MAPK12: variants seen among roughly 807,000 people sequenced by gnomAD.
MAPK12 encodes MAP kinase 12.
In MAPK12, 49 loss-of-function variants were observed where a neutral mutation model predicts 49.1. That is an observed-to-expected ratio of 1.00 (90% CI 0.79 to 1.27). MAPK12 has a LOEUF of 1.27. MAPK12 is among the 50% of genes most tolerant of loss of function. The pLI is 0.00. For missense variants in MAPK12, 554 were observed against 502.4 expected (o/e 1.10, Z -0.98); for synonymous variants, 251 against 209.7 (o/e 1.20, Z -1.70).
At chr22:50,260,036 C>T (rs962443957) in intron 2 of MAPK12, among the ~76,000 whole-genome samples, 6 of 75,526 alleles carry the variant, frequency 7.9e-5, no homozygotes, top group Admixed American at 3.2e-4. Flanking sequence ...TGGGGGGGTG[C>T]GGTGCCGGCG....
chr22:50,259,869 A>C (rs1443636570), intron 2 of MAPK12, among the ~76,000 whole-genome samples: 2 of 147,370 alleles, frequency 1.4e-5, no homozygotes, highest in Non-Finnish European at 3.0e-5. Flanking sequence ...GGGCAACAAG[A>C]GCGAAACTCG....
chr22:50,261,202 C>A lies in MAPK12; in HGVS notation c.220G>T (p.Glu74Ter), dbSNP rs1346872229. ...CGCATGTGCTTGAGCAGGCGCAGCT[C>A]GCGGTAGGCGCGCTTGGCGAACAGC... ...SELFAKRAYR[E>*]LRLLKHMRHE... The change falls in exon 2 of 12, where the codon GAG becomes TAG. Residue 74 changes from glutamate to a stop codon, truncating the protein, a stop_gained. Transcript: ENST00000215659. LOFTEE classifies it high-confidence loss of function. The A allele has an allele frequency of 1.3e-6, 2 of 1,590,684 alleles. No homozygotes were observed. The highest frequency in any genetic ancestry group is 1.7e-6 in the Non-Finnish European group (2 of 1,169,832).
rs769164799 is a variant in MAPK12, at chr22:50,255,630, C to T, written c.756G>A (p.Arg252=). ...CACCCCTTACCTCATCGCTCTGCAG[C>T]CGCTGCACAAACTCAGCCGGAGGCG... ...TGTPPAEFVQ[R]LQSDEAKNYM... The change falls in exon 9 of 12, where the codon CGG becomes CGA. Residue 252 remains arginine, a synonymous_variant. Transcript: ENST00000215659. 9 of 1,611,408 alleles carry T rather than the reference C, an allele frequency of 5.6e-6. No individual in the cohort carries two copies. Among genetic ancestry groups the T allele is most frequent in the Non-Finnish European group, 5.9e-6 (7 of 1,179,734 alleles).
intron 4 of MAPK12, 24 bp downstream of exon 4, chr22:50,257,058 T>A: frequency 1.2e-6 from 2 of 1,608,566 alleles, no homozygotes; most frequent in Non-Finnish European, 1.7e-6. Flanking sequence ...CCTGCCTCCC[T>A]GCAGCCTCCC....
At chr22:50,257,894 C>T (rs2065166892) in intron 3 of MAPK12, 1 of 771,128 alleles carries the variant, frequency 1.3e-6, no homozygotes, top group African/African-American at 1.7e-5. Flanking sequence ...AGGTCAGCAG[C>T]TCCAGTTACC....
rs1293193597 is a variant in MAPK12, at chr22:50,261,477, A to G, written c.33T>C (p.Phe11=). The G allele has an allele frequency of 7.9e-7, 1 of 1,270,530 alleles. No individual in the cohort carries two copies. Among genetic ancestry groups the G allele is most frequent in the Non-Finnish European group, 1.0e-6 (1 of 984,464 alleles). The allele number at this position is 1,270,530 out of a possible 1,614,324, so 78.7% of individuals were successfully genotyped here. ...CCGTCTTGGTCACCTCCTGGCGGTA[A>G]AAGCCACTGCGGGCGGGCGGCGGAG... MSSPPPARSG[F]YRQEVTKTAW... is the part of the protein sequence containing the mutation. The change falls in exon 1 of 12, where the codon TTT becomes TTC. Residue 11 remains phenylalanine, a synonymous_variant. Transcript: ENST00000215659.
At chr22:50,255,147 G>A in intron 11 of MAPK12, 50 bp downstream of exon 11, 1 of 1,607,112 alleles carries the variant, frequency 6.2e-7, no homozygotes, top group Non-Finnish European at 8.5e-7. Context: ...GCCCTGCCCA[G>A]AGCCCCCCAC....
chr22:50,256,492 A>G (rs377000998), intron 6 of MAPK12, 107 bp downstream of exon 6: 2 of 1,429,844 alleles, frequency 1.4e-6, no homozygotes, highest in South Asian at 1.4e-5. Context: ...GCCACTGCCC[A>G]GAGCCTGGGA....
intron 2 of MAPK12, 28 bp from the exon 3 acceptor site, chr22:50,258,329 G>A: frequency 6.2e-7 from 1 of 1,605,044 alleles, no homozygotes; most frequent in African/African-American, 1.3e-5. Context: ...GGTTGAGAAT[G>A]CAGCAGAGGA....
Position 50,253,498 on chromosome 22 carries a change from G to GGGGGGGGGGGGA in MAPK12, c.1025-19_1025-18insTCCCCCCCCCCC. 1 of 466,304 alleles carries GGGGGGGGGGGGA rather than the reference G, an allele frequency of 2.1e-6. No homozygotes were observed. The highest frequency in any genetic ancestry group is 4.3e-6 in the Non-Finnish European group (1 of 231,034). 28.9% of individuals were successfully genotyped at this position (466,304 alleles called of 1,614,324 possible). A position where few individuals can be genotyped will look rare whatever the true frequency, so the allele number is the denominator to read the frequency against. ...AGTAACACCTGGCGGGGGTGGGGGGGCGGGCACAACAGAGAGGGGGGTCAG... is the reference window on the plus strand; with the variant it reads ...AGTAACACCTGGCGGGGGTGGGGGGGGGGGGGGGGGGACGGGCACAACAGAGAGGGGGGTCAG... On this transcript the variant is annotated intron_variant, in intron 11 of 11. Coordinates refer to ENST00000215659, the MANE Select transcript of MAPK12 (RefSeq NM_002969.6).
rs114938273 is a variant in MAPK12 at position 50,256,738 on chromosome 22, G to A, written c.457-92C>T. 398 of 1,531,624 alleles carry A rather than the reference G, an allele frequency of 2.6e-4. No homozygotes were observed. In the African/African-American group the frequency reaches 4.6e-3, roughly 18 times the overall value. The allele number at this position is 1,531,624 out of a possible 1,614,324, so 94.9% of individuals were successfully genotyped here. Reference sequence around the variant, plus strand: ...GGTGGCACCTAAAGATGGGGCCACCGGACCTGGCCCCCTTGCTCTCTGCAG... The same window carrying A: ...GGTGGCACCTAAAGATGGGGCCACCAGACCTGGCCCCCTTGCTCTCTGCAG... On this transcript the variant is annotated intron_variant, in intron 5 of 11. Transcript: ENST00000215659.
chr22:50,259,438 C>T (rs1033454433), intron 2 of MAPK12, among the ~76,000 whole-genome samples: 1 of 152,150 alleles, frequency 6.6e-6, no homozygotes, highest in African/African-American at 2.4e-5. Context: ...AGCCTCCTCC[C>T]CCGCTGAGCA....
chr22:50,254,234 G>A (rs1601638638), intron 11 of MAPK12: 2 of 152,876 alleles, frequency 1.3e-5, no homozygotes, highest in African/African-American at 4.8e-5. Flanking sequence ...CCTGGTATAG[G>A]GGATGATGGA....
intron 11 of MAPK12, 22 bp from the exon 12 acceptor site, chr22:50,253,502 G>GGGCCCCCCCCCC: frequency 1.2e-5 from 2 of 171,668 alleles, no homozygotes; most frequent in Non-Finnish European, 1.1e-5. Context: ...GGGGGGGCGG[G>GGGCCCCCCCCCC]CACAACAGAG....
At chr22:50,257,776 G>A (rs113449113) in intron 3 of MAPK12, 14 of 700,340 alleles carry the variant, frequency 2.0e-5, no homozygotes, top group African/African-American at 1.2e-4. Context: ...GGCCTTCCTC[G>A]GCCTGGCCCT....
chr22:50,260,009 G>T, intron 2 of MAPK12, among the ~76,000 whole-genome samples: 2 of 138,612 alleles, frequency 1.4e-5, no homozygotes, highest in Non-Finnish European at 1.6e-5. Context: ...CAAGGCCTTG[G>T]TGTGATGGGC....
chr22:50,256,493 G>C, intron 6 of MAPK12, 106 bp downstream of exon 6: 1 of 1,435,578 alleles, frequency 7.0e-7, no homozygotes, highest in Admixed American at 2.2e-5. Flanking sequence ...CCACTGCCCA[G>C]AGCCTGGGAC....
At chr22:50,253,513 AG>A in intron 11 of MAPK12, 33 bp from the exon 12 acceptor site, 2 of 810,620 alleles carry the variant, frequency 2.5e-6, no homozygotes, top group Non-Finnish European at 2.1e-6. Flanking sequence ...CACAACAGAG[AG>A]GGGGGTCAGC....
intron 2 of MAPK12, among the ~76,000 whole-genome samples, chr22:50,259,512 G>C (rs1479694083): frequency 6.6e-6 from 1 of 152,134 alleles, no homozygotes; most frequent in African/African-American, 2.4e-5. Flanking sequence ...AAGAGCCTCA[G>C]CTGCAGGCCA....
Sources: gnomAD v4.1 joint callset for allele counts (sites outside exome capture counted in the v4.1 genomes callset) on GRCh38, gnomAD v4.1.1 for gene constraint, MANE v1.5 for transcripts, NCBI Gene and HGNC (gene_info 2026-07-23, HGNC 2026-07-21) for gene names.